Variants in EBF1 observed in about 807,000 individuals in gnomAD.
EBF1 encodes EBF transcription factor 1, also known as transcription factor COE1.
Under a neutral mutation model 68.4 loss-of-function variants are expected in EBF1, and 10 were observed. The observed-to-expected ratio is 0.15, with a 90% CI of 0.09 to 0.25. EBF1 has a LOEUF of 0.25. EBF1 is among the 10% of genes least tolerant of loss of function. The pLI is 1.00. For synonymous variants in EBF1, 298 were observed against 299.8 expected, an observed-to-expected ratio of 0.99 and a Z score of 0.06; for missense variants, 509 against 794.4, an observed-to-expected ratio of 0.64 and a Z score of 4.32.
At chr5:159,012,427 C>T (rs1350332424) in intron 6 of EBF1, among the ~76,000 whole-genome samples, 1 of 152,054 alleles carries the variant, frequency 6.6e-6, no homozygotes, top group Admixed American at 6.5e-5. Context: ...CTCCAAAATT[C>T]ATATGTTGAA....
At chr5:158,901,615 T>C (rs907801738) in intron 6 of EBF1, among the ~76,000 whole-genome samples, 11 of 152,228 alleles carry the variant, frequency 7.2e-5, no homozygotes, top group Non-Finnish European at 1.6e-4. Flanking sequence ...ATAATAATAA[T>C]TATAGCTAAC....
At chr5:158,725,292 T>C (rs1466619138) in intron 11 of EBF1, among the ~76,000 whole-genome samples, 3 of 152,188 alleles carry the variant, frequency 2.0e-5, no homozygotes, top group Non-Finnish European at 2.9e-5. Flanking sequence ...CCACAACCCC[T>C]CCTTCCCACC....
intron 6 of EBF1, among the ~76,000 whole-genome samples, chr5:158,880,728 A>C (rs1365961689): frequency 6.6e-6 from 1 of 152,120 alleles, no homozygotes; most frequent in Non-Finnish European, 1.5e-5. Context: ...AGTTGTGCAC[A>C]TTTTTCTAGA....
intron 6 of EBF1, among the ~76,000 whole-genome samples, chr5:158,880,532 G>A (rs1464163670): frequency 6.6e-6 from 1 of 152,098 alleles, no homozygotes; most frequent in Non-Finnish European, 1.5e-5. Flanking sequence ...ATATTTGTTC[G>A]ATAGAATCCT....
chr5:158,839,624 C>T (rs1341960518), intron 7 of EBF1, among the ~76,000 whole-genome samples: 1 of 152,226 alleles, frequency 6.6e-6, no homozygotes, highest in Non-Finnish European at 1.5e-5. Flanking sequence ...CTCAAACAAT[C>T]TGCCTACCTT....
At chr5:158,706,848 G>C (rs963267987) in intron 15 of EBF1, among the ~76,000 whole-genome samples, 1 of 152,152 alleles carries the variant, frequency 6.6e-6, no homozygotes, top group African/African-American at 2.4e-5. Flanking sequence ...GACCATAATG[G>C]CCCTCATACT....
At chr5:159,076,107 T>C (rs1357738582) in intron 5 of EBF1, among the ~76,000 whole-genome samples, 1 of 152,192 alleles carries the variant, frequency 6.6e-6, no homozygotes, top group South Asian at 2.1e-4. Context: ...GTATTTTTTG[T>C]TACTGTCTTT....
rs1583802640 is a variant in EBF1 at position 158,998,328 on chromosome 5, T to G, written c.554+75068A>C. 2.0e-5 allele frequency among the ~76,000 whole-genome samples: 3 copies of G among 152,130 alleles called. No individual in the cohort carries two copies. The South Asian group carries it at 6.2e-4, about 31-fold the overall frequency. ...TCGACAAGGCTTTCCTCCACCCTTC[T>G]CTAAAACTGCCCCTACTCCGCAAGC... On this transcript the variant is annotated intron_variant, in intron 6 of 15. Transcript: ENST00000313708.
intron 6 of EBF1, among the ~76,000 whole-genome samples, chr5:159,067,778 A>G (rs1777102050): frequency 6.6e-6 from 1 of 152,176 alleles, no homozygotes; most frequent in African/African-American, 2.4e-5. Context: ...GAGAAGACAA[A>G]TGTTTAAACA....
At chr5:158,820,373 C>T (rs1338511778) in intron 8 of EBF1, among the ~76,000 whole-genome samples, 3 of 152,140 alleles carry the variant, frequency 2.0e-5, no homozygotes, top group Non-Finnish European at 4.4e-5. Flanking sequence ...TAAAGTATTA[C>T]CCTCACATCA....
In EBF1 at chr5:158,699,046, T is replaced by C; in HGVS notation, c.*65A>G. 1 of 1,464,306 alleles carries C rather than the reference T, an allele frequency of 6.8e-7. No individual in the cohort carries two copies. The highest frequency in any genetic ancestry group is 1.4e-5 in the South Asian group (1 of 73,358). 90.7% of individuals were successfully genotyped at this position (1,464,306 alleles called of 1,614,324 possible). A position where few individuals can be genotyped will look rare whatever the true frequency, so the allele number is the denominator to read the frequency against. ...GTTAAAAGTTCCACTCTGGGACTTG[T>C]ATCAGATTACTCTCTGTAGCAGAAT... On this transcript the variant is annotated 3_prime_UTR_variant, in exon 16 of 16. Transcript: ENST00000313708.
chr5:159,074,533 T>C (rs1778392398), intron 5 of EBF1, among the ~76,000 whole-genome samples: 1 of 152,194 alleles, frequency 6.6e-6, no homozygotes, highest in African/African-American at 2.4e-5. Context: ...CGCGCACACT[T>C]ACAACTTAGT....
chr5:159,050,496 A>C (rs2127813488), intron 6 of EBF1, among the ~76,000 whole-genome samples: 1 of 152,274 alleles, frequency 6.6e-6, no homozygotes, highest in African/African-American at 2.4e-5. Context: ...CAGAGACAGC[A>C]GATGTCCCTT....
intron 6 of EBF1, among the ~76,000 whole-genome samples, chr5:158,949,152 C>T (rs1200198861): frequency 2.0e-5 from 3 of 152,176 alleles, no homozygotes; most frequent in African/African-American, 7.2e-5. Flanking sequence ...TTCCTGTTCT[C>T]CTTACAATTC....
At chr5:158,777,220 A>C (rs1775474607) in intron 10 of EBF1, among the ~76,000 whole-genome samples, 193 bp downstream of exon 10, 1 of 152,178 alleles carries the variant, frequency 6.6e-6, no homozygotes, top group Non-Finnish European at 1.5e-5. Context: ...GCCATTCAAC[A>C]TGGACACCTA....
At chr5:158,948,948 T>C (rs1451664993) in intron 6 of EBF1, among the ~76,000 whole-genome samples, 1 of 152,136 alleles carries the variant, frequency 6.6e-6, no homozygotes, top group Non-Finnish European at 1.5e-5. Context: ...AAGCCCTTAA[T>C]TGTACTCTGG....
At chr5:159,021,038 T>C (rs884120) in intron 6 of EBF1, among the ~76,000 whole-genome samples, 21,971 of 152,238 alleles carry the variant, frequency 0.14, 1,960 homozygotes, top group African/African-American at 0.25. Flanking sequence ...CAGTCTTCTC[T>C]CTCTTGCACC....
intron 10 of EBF1, among the ~76,000 whole-genome samples, chr5:158,742,063 G>T (rs1766529720): frequency 3.9e-5 from 6 of 152,194 alleles, no homozygotes; most frequent in Admixed American, 3.9e-4. Context: ...TCTGCCTCGA[G>T]AGCCCTACTC....
intron 6 of EBF1, among the ~76,000 whole-genome samples, chr5:159,038,549 C>G (rs1770563834): frequency 6.6e-6 from 1 of 152,290 alleles, no homozygotes; most frequent in Non-Finnish European, 1.5e-5. Flanking sequence ...AGAGGCCATG[C>G]CTCACAGCAA....
Sources: gnomAD v4.1 joint callset for allele counts (sites outside exome capture counted in the v4.1 genomes callset) on GRCh38, gnomAD v4.1.1 for gene constraint, MANE v1.5 for transcripts, NCBI Gene and HGNC (gene_info 2026-07-23, HGNC 2026-07-21) for gene names.